ZHX2: variants seen among roughly 807,000 people sequenced by gnomAD.
ZHX2 encodes the protein zinc fingers and homeoboxes 2.
In ZHX2, 6 loss-of-function variants were observed where a neutral mutation model predicts 21.9. That is an observed-to-expected ratio of 0.27 (90% CI 0.15 to 0.54). The LOEUF is 0.54. Ranked by LOEUF, ZHX2 falls within the 20% of genes least tolerant of loss-of-function variation. The pLI is 0.95. For synonymous variants in ZHX2, 434 were observed against 437.1 expected (o/e 0.99, Z 0.09); for missense variants, 908 against 1,090.7 (o/e 0.83, Z 2.36).
intron 2 of ZHX2, among the ~76,000 whole-genome samples, chr8:122,927,196 A>G (rs1401901671): frequency 6.6e-6 from 1 of 152,184 alleles, no homozygotes; most frequent in African/African-American, 2.4e-5. Context: ...TCATGCTGCT[A>G]ATAAAGATAT....
chr8:122,841,307 G>A (rs889031205), intron 1 of ZHX2, among the ~76,000 whole-genome samples: 1 of 152,144 alleles, frequency 6.6e-6, no homozygotes, highest in African/African-American at 2.4e-5. Flanking sequence ...TTTAAAGCCC[G>A]TGTCTTTCCT....
At chr8:122,808,110 G>A (rs1563737250) in intron 1 of ZHX2, among the ~76,000 whole-genome samples, 1 of 152,098 alleles carries the variant, frequency 6.6e-6, no homozygotes, top group Non-Finnish European at 1.5e-5. Context: ...TATATAAGAT[G>A]GGGCTAATAA....
In ZHX2 at chr8:122,895,399, A is replaced by G. The variant is rs570027714; in HGVS notation, c.-220+31860A>G. On this transcript the variant is annotated intron_variant, in intron 2 of 3. Coordinates refer to ENST00000314393, the MANE Select transcript of ZHX2 (RefSeq NM_014943.5). ...ATGAGCTGCCAGGAGATGCTACTGC[A>G]TGGCACAGGAAGAACGTGTGACCAC... 8.3e-4 allele frequency among the ~76,000 whole-genome samples: 127 copies of G among 152,352 alleles called. 1 individual carries two copies. Among genetic ancestry groups the G allele is most frequent in the Non-Finnish European group, 1.6e-3 (111 of 68,028 alleles).
chr8:122,946,952 C>G (rs996181137), intron 2 of ZHX2, among the ~76,000 whole-genome samples: 1 of 151,966 alleles, frequency 6.6e-6, no homozygotes, highest in Non-Finnish European at 1.5e-5. Context: ...CAAGAGATAG[C>G]CTCCCTACAG....
intron 2 of ZHX2, among the ~76,000 whole-genome samples, chr8:122,881,780 G>C (rs1819718952): frequency 6.6e-6 from 1 of 152,144 alleles, no homozygotes; most frequent in South Asian, 2.1e-4. Flanking sequence ...TACCCTTTCT[G>C]CTTTTCCAAG....
At chr8:122,907,597 C>T (rs567054953) in intron 2 of ZHX2, among the ~76,000 whole-genome samples, 56 of 152,220 alleles carry the variant, frequency 3.7e-4, no homozygotes, top group African/African-American at 1.3e-3. Flanking sequence ...GAGAAACCTC[C>T]CAGAGGTATT....
chr8:122,962,184 G>T (rs80345838), intron 3 of ZHX2, among the ~76,000 whole-genome samples: 1 of 152,170 alleles, frequency 6.6e-6, no homozygotes, highest in Non-Finnish European at 1.5e-5. Context: ...ACATGGATAA[G>T]TTCTTTAGGT....
At chr8:122,912,598 C>G (rs146655461) in intron 2 of ZHX2, among the ~76,000 whole-genome samples, 66 of 152,276 alleles carry the variant, frequency 4.3e-4, no homozygotes, top group African/African-American at 1.4e-3. Flanking sequence ...ATTCTGAGAC[C>G]CTGCCGAGCA....
chr8:122,821,995 G>A (rs769835046), intron 1 of ZHX2, among the ~76,000 whole-genome samples: 3 of 152,052 alleles, frequency 2.0e-5, no homozygotes, highest in Non-Finnish European at 2.9e-5. Context: ...ATGAGCCACC[G>A]TGCCCAGCCT....
rs1284378339 is a variant in ZHX2 at position 122,782,920 on chromosome 8, G to C, written c.-283+974G>C. On this transcript the variant is annotated intron_variant, in intron 1 of 3. Transcript: ENST00000314393. This position sits in a 1 kb window ranked among gnomAD's most constrained non-coding sequence, Gnocchi z 5.3. The stretch of plus-strand genomic sequence containing the variant: ...GGCTTCCCCAGGACTTGTATCCTCG[G>C]CTTTGCAAACTTGCCCTTTTCCCAG... Among the ~76,000 whole-genome samples the C allele has an allele frequency of 6.6e-6, 1 of 152,218 alleles. No individual in the cohort carries two copies. The highest frequency in any genetic ancestry group is 1.5e-5 in the Non-Finnish European group (1 of 68,040).
At chr8:122,817,969 A>C (rs13248893) in intron 1 of ZHX2, among the ~76,000 whole-genome samples, 1 of 152,126 alleles carries the variant, frequency 6.6e-6, no homozygotes, top group Non-Finnish European at 1.5e-5. Flanking sequence ...CAGATTGCTC[A>C]GCCCTCAGTG....
chr8:122,895,892 A>G (rs751488855), intron 2 of ZHX2, among the ~76,000 whole-genome samples: 25 of 152,136 alleles, frequency 1.6e-4, no homozygotes, highest in Non-Finnish European at 3.5e-4. Context: ...CCAAAGAATA[A>G]GCTTTATTAA....
At chr8:122,895,863 C>T (rs951752516) in intron 2 of ZHX2, among the ~76,000 whole-genome samples, 1 of 152,186 alleles carries the variant, frequency 6.6e-6, no homozygotes, top group African/African-American at 2.4e-5. Context: ...GCCCTCCCAC[C>T]TGCCAACCCA....
chr8:122,786,285 G>C (rs1457737459), intron 1 of ZHX2, among the ~76,000 whole-genome samples: 1 of 152,130 alleles, frequency 6.6e-6, no homozygotes, highest in Non-Finnish European at 1.5e-5. Context: ...TCATCAGCAG[G>C]ATACCTTTGG....
At chr8:122,944,783 T>C (rs373082142) in intron 2 of ZHX2, among the ~76,000 whole-genome samples, 1 of 152,202 alleles carries the variant, frequency 6.6e-6, no homozygotes, top group Non-Finnish European at 1.5e-5. Flanking sequence ...CCAACAGTTG[T>C]AGGATGCATT....
chr8:122,906,459 A>T (rs1050809838), intron 2 of ZHX2, among the ~76,000 whole-genome samples: 1 of 152,178 alleles, frequency 6.6e-6, no homozygotes, highest in Non-Finnish European at 1.5e-5. Flanking sequence ...CGTAGCTGCG[A>T]CACATGGTTG....
chr8:122,804,349 T>C (rs558985575), intron 1 of ZHX2, among the ~76,000 whole-genome samples: 11 of 152,278 alleles, frequency 7.2e-5, no homozygotes, highest in Middle Eastern at 3.4e-3. Flanking sequence ...CCTCAAATGA[T>C]CCACCCACCT....
intron 1 of ZHX2, among the ~76,000 whole-genome samples, chr8:122,822,567 G>A (rs1818175647): frequency 6.6e-6 from 1 of 152,224 alleles, no homozygotes; most frequent in Non-Finnish European, 1.5e-5. Flanking sequence ...CTGAAAAGAT[G>A]ACTGGTGAAA....
At chr8:122,859,440 C>G (rs138790648) in intron 1 of ZHX2, among the ~76,000 whole-genome samples, 1 of 152,190 alleles carries the variant, frequency 6.6e-6, no homozygotes, top group African/African-American at 2.4e-5. Flanking sequence ...TATGTATCAC[C>G]TCCCTCAATC....
Sources: allele counts gnomAD v4.1 joint callset (sites outside exome capture counted in the v4.1 genomes callset), GRCh38; gene constraint gnomAD v4.1.1; non-coding constraint Gnocchi (gnomAD v3.1); transcripts MANE v1.5; gene names NCBI Gene and HGNC (gene_info 2026-07-23, HGNC 2026-07-21).